The following SCFD2 variants were observed in gnomAD, a reference collection of about 807,000 sequenced individuals.
The protein encoded by SCFD2 is sec1 family domain-containing protein 2.
Under a neutral mutation model 58.9 loss-of-function variants are expected in SCFD2, and 54 were observed. That is an observed-to-expected ratio of 0.92 (90% CI 0.74 to 1.15). The LOEUF (loss-of-function observed/expected upper bound fraction) is 1.15, where lower values mean the gene tolerates loss of function less well. Ranked by LOEUF, SCFD2 falls within the 50% of genes most tolerant of loss-of-function variation. The pLI is 0.00. For missense variants in SCFD2, 805 were observed against 836.6 expected (o/e 0.96, Z 0.47); for synonymous variants, 321 against 335.9 (o/e 0.96, Z 0.49).
intron 5 of SCFD2, among the ~76,000 whole-genome samples, chr4:53,043,290 C>A (rs1722944550): frequency 6.6e-6 from 1 of 152,038 alleles, no homozygotes; most frequent in African/African-American, 2.4e-5. Context: ...TGGCATTGAG[C>A]CAAAAGGAGG....
At chr4:53,264,277 G>A (rs773144332) in intron 4 of SCFD2, among the ~76,000 whole-genome samples, 1 of 152,172 alleles carries the variant, frequency 6.6e-6, no homozygotes, top group African/African-American at 2.4e-5. Flanking sequence ...CAGGGAGCCT[G>A]CAGTAGTGAT....
chr4:52,980,282 C>G (rs1360307446), intron 5 of SCFD2, among the ~76,000 whole-genome samples: 1 of 152,192 alleles, frequency 6.6e-6, no homozygotes, highest in African/African-American at 2.4e-5. Context: ...TACAGCAATT[C>G]TATGAGGCAG....
At chr4:53,157,031 A>G (rs1726710506) in intron 4 of SCFD2, among the ~76,000 whole-genome samples, 1 of 152,248 alleles carries the variant, frequency 6.6e-6, no homozygotes, top group Admixed American at 6.5e-5. Flanking sequence ...CGATATACTT[A>G]CTGTCAATGT....
chr4:53,216,678 C>T (rs1166042605), intron 4 of SCFD2, among the ~76,000 whole-genome samples: 3 of 152,078 alleles, frequency 2.0e-5, no homozygotes, highest in African/African-American at 7.2e-5. Context: ...TTATTTCTCG[C>T]CTTCTGCTAG....
At chr4:52,914,206 TG>T (rs1285434850) in intron 6 of SCFD2, among the ~76,000 whole-genome samples, 1 of 152,238 alleles carries the variant, frequency 6.6e-6, no homozygotes, top group African/African-American at 2.4e-5. Context: ...GACCGCTGGT[TG>T]GTAAACTGCA....
rs538384620 is a variant in SCFD2, at chr4:52,989,973, C to G, written c.1562-69103G>C. Among the ~76,000 whole-genome samples, 4 of 152,304 alleles carry G rather than the reference C, an allele frequency of 2.6e-5. No homozygotes were observed. In the South Asian group the frequency reaches 8.3e-4, roughly 32 times the overall value. On this transcript the variant is annotated intron_variant, in intron 5 of 8. Coordinates refer to ENST00000401642, the MANE Select transcript of SCFD2 (RefSeq NM_152540.4). ...CCCTCCCTCCCATCCTTCATGCCTC[C>G]TTCAACTTTTCCTCATTACTGCTGC...
Position 53,102,160 on chromosome 4 carries a change from G to A in SCFD2, c.1561+43173C>T, listed in dbSNP as rs558477481. Among the ~76,000 whole-genome samples the A allele has an allele frequency of 3.9e-5, 6 of 152,238 alleles. No homozygotes were observed. In the East Asian group the frequency reaches 9.6e-4, roughly 24 times the overall value. On this transcript the variant is annotated intron_variant, in intron 5 of 8. Transcript: ENST00000401642. ...TACAGGTGCAACTCAAAATGCTGGG[G>A]CAGCAAAGAACATTTTAATAAGTGC...
chr4:53,329,946 A>C (rs1733373122), intron 2 of SCFD2, among the ~76,000 whole-genome samples: 1 of 151,904 alleles, frequency 6.6e-6, no homozygotes, highest in Admixed American at 6.6e-5. Flanking sequence ...TACATGAAGA[A>C]TGCAGAAGCC....
At chr4:53,131,572 A>G (rs1560349569) in intron 5 of SCFD2, among the ~76,000 whole-genome samples, 1 of 152,224 alleles carries the variant, frequency 6.6e-6, no homozygotes, top group Non-Finnish European at 1.5e-5. Flanking sequence ...AATAAAAAGC[A>G]TATGAAGCTA....
intron 5 of SCFD2, among the ~76,000 whole-genome samples, chr4:53,084,052 C>G (rs2148860802): frequency 6.6e-6 from 1 of 152,168 alleles, no homozygotes; most frequent in African/African-American, 2.4e-5. Context: ...CAACAGAAAA[C>G]AGGGTTCAAC....
chr4:53,139,741 C>T (rs535560413), intron 5 of SCFD2, among the ~76,000 whole-genome samples: 66 of 152,182 alleles, frequency 4.3e-4, no homozygotes, highest in Middle Eastern at 3.4e-3. Context: ...GCCATGATGA[C>T]GATGGTGGTT....
intron 5 of SCFD2, among the ~76,000 whole-genome samples, chr4:53,099,185 C>T (rs1461503513): frequency 1.3e-5 from 2 of 152,182 alleles, no homozygotes; most frequent in Non-Finnish European, 2.9e-5. Context: ...AATATACAAA[C>T]AGTAAACAAT....
chr4:53,303,463 A>G (rs927714727), intron 3 of SCFD2, among the ~76,000 whole-genome samples: 2 of 152,206 alleles, frequency 1.3e-5, no homozygotes, highest in African/African-American at 4.8e-5. Flanking sequence ...CACGTGCTGG[A>G]GAGGATGTGG....
intron 5 of SCFD2, among the ~76,000 whole-genome samples, chr4:52,981,036 T>C (rs1044064278): frequency 6.6e-6 from 1 of 152,184 alleles, no homozygotes; most frequent in South Asian, 2.1e-4. Flanking sequence ...ATAAACTGAA[T>C]TTTAAAAATT....
intron 5 of SCFD2, among the ~76,000 whole-genome samples, chr4:53,097,650 G>A (rs912718803): frequency 5.9e-5 from 9 of 152,192 alleles, no homozygotes; most frequent in Non-Finnish European, 1.0e-4. Context: ...ACACAATCAT[G>A]TTGTCTGCAA....
intron 5 of SCFD2, among the ~76,000 whole-genome samples, chr4:53,108,785 G>C (rs763172805): frequency 1.3e-5 from 2 of 152,100 alleles, no homozygotes; most frequent in Non-Finnish European, 2.9e-5. Context: ...TTCTACCAGA[G>C]GTACAAAGAG....
At chr4:53,206,210 G>C (rs114934381) in intron 4 of SCFD2, among the ~76,000 whole-genome samples, 1,909 of 152,236 alleles carry the variant, frequency 0.013, 32 homozygotes, top group South Asian at 0.073. Flanking sequence ...TAGGCAACCA[G>C]TTACTGCATA....
At chr4:53,319,915 A>G (rs1732976997) in intron 2 of SCFD2, among the ~76,000 whole-genome samples, 1 of 152,230 alleles carries the variant, frequency 6.6e-6, no homozygotes, top group South Asian at 2.1e-4. Flanking sequence ...AAAAATTAAA[A>G]AGGAGGATTA....
intron 5 of SCFD2, among the ~76,000 whole-genome samples, chr4:53,059,987 T>C (rs558769397): frequency 2.0e-5 from 3 of 152,232 alleles, no homozygotes; most frequent in South Asian, 2.1e-4. Context: ...GTGGGAAGAA[T>C]AGAATCTCAC....
Sources: gnomAD v4.1 joint callset for allele counts (sites outside exome capture counted in the v4.1 genomes callset) on GRCh38, gnomAD v4.1.1 for gene constraint, MANE v1.5 for transcripts, NCBI Gene and HGNC (gene_info 2026-07-23, HGNC 2026-07-21) for gene names.